Variants in HECTD4 observed in about 807,000 individuals in gnomAD.
HECTD4 encodes the protein probable E3 ubiquitin-protein ligase HECTD4.
Under a neutral mutation model 471.5 loss-of-function variants are expected in HECTD4, and 114 were observed. The ratio of observed to expected loss-of-function variants is 0.24; its 90% confidence interval spans 0.21 to 0.28. The LOEUF is 0.28. Ranked by LOEUF, HECTD4 falls within the 10% of genes least tolerant of loss-of-function variation. HECTD4 has a pLI of 1.00. For synonymous variants in HECTD4, 2,012 were observed against 2,256.0 expected (o/e 0.89, Z 3.07); for missense variants, 3,866 against 5,651.5 (o/e 0.68, Z 10.13).
At position 112,306,082 on chromosome 12, in the gene HECTD4, C is replaced by G; in HGVS notation, c.1317G>C (p.Met439Ile). Reference protein sequence around the residue: ...EKTPKGHSVFMDIFELVVENG... With the variant: ...EKTPKGHSVFIDIFELVVENG... ...AACTTACCACAAGTTCAAAAATGTC[C>G]ATGAAGACAGAATGTCCCTTCGGTG... The change falls in exon 7 of 76, where the codon ATG (methionine) becomes ATC (isoleucine). Residue 439 changes from methionine to isoleucine, a missense_variant. This residue lies in a region of HECTD4 where 440 missense variants were observed against 636.0 expected (regional missense o/e 0.69). Transcript: ENST00000682272. The G allele has an allele frequency of 6.2e-7, 1 of 1,603,284 alleles. No individual in the cohort carries two copies. Among genetic ancestry groups the G allele is most frequent in the Admixed American group, 1.8e-5 (1 of 56,464 alleles).
intron 58 of HECTD4, 51 bp from the exon 59 acceptor site, chr12:112,192,816 G>A: frequency 6.9e-7 from 1 of 1,444,490 alleles, no homozygotes; most frequent in Non-Finnish European, 9.4e-7. Context: ...CCATGCACAT[G>A]GGGACAGGCA....
intron 44 of HECTD4, among the ~76,000 whole-genome samples, chr12:112,225,106 A>G (rs2033198229): frequency 6.6e-6 from 1 of 152,158 alleles, no homozygotes; most frequent in Non-Finnish European, 1.5e-5. Flanking sequence ...TGGTTCCTGG[A>G]TCTCCCAGCT....
At chr12:112,273,288 T>C (rs957575864) in intron 11 of HECTD4, among the ~76,000 whole-genome samples, 4 of 152,196 alleles carry the variant, frequency 2.6e-5, no homozygotes, top group Non-Finnish European at 5.9e-5. Flanking sequence ...GGTAATTCTA[T>C]CTAAGTTTGT....
chr12:112,251,249 A>G (rs762990154), intron 23 of HECTD4, 115 bp from the exon 24 acceptor site: 2 of 959,590 alleles, frequency 2.1e-6, no homozygotes, highest in Non-Finnish European at 3.1e-6. Flanking sequence ...AGCAGCATCG[A>G]GTATCACTGC....
intron 8 of HECTD4, among the ~76,000 whole-genome samples, chr12:112,282,634 C>A (rs1274738558): frequency 6.6e-6 from 1 of 152,088 alleles, no homozygotes; most frequent in Non-Finnish European, 1.5e-5. Context: ...TCTGCATATA[C>A]CTTTTTACAT....
chr12:112,363,268 ACTCT>A (rs948596691), intron 1 of HECTD4, among the ~76,000 whole-genome samples: 3 of 148,898 alleles, frequency 2.0e-5, no homozygotes, highest in Admixed American at 6.7e-5. Flanking sequence ...GCATACACAC[ACTCT>A]CTCTCTCTCT....
chr12:112,175,815 C>T lies in HECTD4; in HGVS notation c.11515G>A (p.Val3839Ile). The T allele has an allele frequency of 6.2e-7, 1 of 1,613,638 alleles. No homozygotes were observed. The highest frequency in any genetic ancestry group is 1.7e-5 in the Admixed American group (1 of 59,974). ...YLTLEGFHKFVIDRARQDIRS... is the reference protein window; with the variant it reads ...YLTLEGFHKFIIDRARQDIRS... ...ATATCTTGCCTGGCTCGGTCAATAA[C>T]AAATTTGTGAAATCCTTCCAGCGTC... Residue 3839 changes from valine to isoleucine, a missense_variant, in exon 66 of 76, where the codon GTT becomes ATT. By Grantham distance (29) the Val-to-Ile change is conservative. Transcript: ENST00000682272.
At chr12:112,292,210 A>G (rs1043035123) in intron 7 of HECTD4, among the ~76,000 whole-genome samples, 2 of 152,104 alleles carry the variant, frequency 1.3e-5, no homozygotes, top group African/African-American at 4.8e-5. Context: ...TTCTTCCTCA[A>G]CAAGCCAACC....
At chr12:112,224,100 C>T (rs1692948867) in intron 44 of HECTD4, among the ~76,000 whole-genome samples, 1 of 152,036 alleles carries the variant, frequency 6.6e-6, no homozygotes, top group Non-Finnish European at 1.5e-5. Context: ...ATAGTCTATG[C>T]CTCCCTTGTA....
intron 71 of HECTD4, 89 bp from the exon 72 acceptor site, chr12:112,167,627 C>T: frequency 8.6e-7 from 1 of 1,168,844 alleles, no homozygotes; most frequent in African/African-American, 1.5e-5. Context: ...TACCCTGTGG[C>T]AGGCAGGAGA....
At chr12:112,367,568 C>A (rs1249823098) in intron 1 of HECTD4, among the ~76,000 whole-genome samples, 1 of 151,794 alleles carries the variant, frequency 6.6e-6, no homozygotes, top group Non-Finnish European at 1.5e-5. Context: ...GCCTGTAATT[C>A]CAGCACTTTG....
Position 112,193,510 on chromosome 12 carries a change from T to C in HECTD4, c.8914A>G (p.Ser2972Gly). 1.2e-6 allele frequency: 2 copies of C among 1,611,706 alleles called. No individual in the cohort carries two copies. Among genetic ancestry groups the C allele is most frequent in the Non-Finnish European group, 1.7e-6 (2 of 1,179,052 alleles). The change falls in exon 57 of 76, where the codon AGC becomes GGC. Residue 2972 changes from serine to glycine, a missense_variant. Physicochemically the swap from Ser to Gly is moderately conservative, Grantham distance 56. Transcript: ENST00000682272. This position sits in a 1 kb window ranked among gnomAD's most constrained non-coding sequence, Gnocchi z 5.2. The part of the protein sequence containing the change: ...ITRTLHQGEE[S>G]LLELTKQICS... Reference sequence around the variant, plus strand: ...ATCTGTTTCGTCAGCTCTAAAAGGCTCTCCTCGCCCTGGTGCAGGGTCCGG... The same window carrying C: ...ATCTGTTTCGTCAGCTCTAAAAGGCCCTCCTCGCCCTGGTGCAGGGTCCGG...
At chr12:112,354,812 G>C (rs563884119) in intron 1 of HECTD4, among the ~76,000 whole-genome samples, 3 of 152,162 alleles carry the variant, frequency 2.0e-5, no homozygotes, top group South Asian at 2.1e-4. Flanking sequence ...GTCTATGCTG[G>C]TTATTCCAAT....
intron 1 of HECTD4, among the ~76,000 whole-genome samples, chr12:112,371,524 G>A (rs1014154882): frequency 2.0e-5 from 3 of 151,604 alleles, no homozygotes; most frequent in Non-Finnish European, 4.4e-5. Context: ...TTAGTGAGCC[G>A]AGATCACGCC....
rs573499470 is a variant in HECTD4, at chr12:112,292,974, A to G, written c.1336-9672T>C. On this transcript the variant is annotated intron_variant, in intron 7 of 75. Transcript: ENST00000682272. Reference sequence around the variant, plus strand: ...GAGGCGGAGGTTGCAGTGAGCTGAGATCACACCATTGCACTCCAGCCTGGG... The same window carrying G: ...GAGGCGGAGGTTGCAGTGAGCTGAGGTCACACCATTGCACTCCAGCCTGGG... Among the ~76,000 whole-genome samples, 129 of 151,950 alleles carry G rather than the reference A, an allele frequency of 8.5e-4. 1 individual carries two copies. The Middle Eastern group carries it at 0.01, about 12-fold the overall frequency.
At chr12:112,356,790 C>A (rs532995338) in intron 1 of HECTD4, among the ~76,000 whole-genome samples, 5 of 152,152 alleles carry the variant, frequency 3.3e-5, no homozygotes, top group Non-Finnish European at 7.4e-5. Context: ...TATATTCAAA[C>A]ACTTATGGAT....
chr12:112,196,290 T>C (rs2032242485), intron 55 of HECTD4, among the ~76,000 whole-genome samples: 1 of 152,140 alleles, frequency 6.6e-6, no homozygotes, highest in Non-Finnish European at 1.5e-5. Flanking sequence ...ATGGAACACT[T>C]GATGAGTGTA....
In HECTD4 at chr12:112,228,951, C is replaced by G; in HGVS notation, c.6520-140G>C. 1.3e-6 allele frequency: 1 copy of G among 799,488 alleles called. No individual in the cohort carries two copies. The highest frequency in any genetic ancestry group is 2.0e-6 in the Non-Finnish European group (1 of 490,360). 49.5% of individuals were successfully genotyped at this position (799,488 alleles called of 1,614,324 possible). On this transcript the variant is annotated intron_variant, in intron 41 of 75. Coordinates refer to ENST00000682272, the MANE Select transcript of HECTD4 (RefSeq NM_001388303.1). This position sits in a 1 kb window ranked among gnomAD's most constrained non-coding sequence, Gnocchi z 4.9. ...GTTTATACTACTAGGGTAGCAGATA[C>G]CAAGCCCTAGACATGACTTATAATA...
intron 67 of HECTD4, 82 bp from the exon 68 acceptor site, chr12:112,171,345 T>G: frequency 2.6e-6 from 4 of 1,535,870 alleles, no homozygotes. Context: ...GGCAACCCTA[T>G]CACTGCGAAC....
Sources: allele counts gnomAD v4.1 joint callset (sites outside exome capture counted in the v4.1 genomes callset), GRCh38; gene constraint gnomAD v4.1.1; regional missense constraint gnomAD v4.1.1; non-coding constraint Gnocchi (gnomAD v3.1); transcripts MANE v1.5; gene names NCBI Gene and HGNC (gene_info 2026-07-23, HGNC 2026-07-21).